The following DAB1 variants were observed in gnomAD, a reference collection of about 807,000 sequenced individuals.
The protein encoded by DAB1 is DAB adaptor protein 1, also known as disabled homolog 1.
In DAB1, 15 loss-of-function variants were observed where a neutral mutation model predicts 64.6. The ratio of observed to expected loss-of-function variants is 0.23; its 90% CI spans 0.16 to 0.36. DAB1 has a LOEUF of 0.36. Among genes scored for constraint, DAB1 ranks in the 10% least tolerant of loss-of-function variants. The pLI is 1.00. For missense variants in DAB1, 596 were observed against 706.7 expected, an observed-to-expected ratio of 0.84 and a Z score of 1.78; for synonymous variants, 235 against 251.9, an observed-to-expected ratio of 0.93 and a Z score of 0.64.
intron 4 of DAB1, among the ~76,000 whole-genome samples, chr1:58,168,420 G>A (rs977468471): frequency 6.6e-6 from 1 of 152,054 alleles, no homozygotes. Flanking sequence ...CTTGCCTCCT[G>A]GGTCCTAATG....
At chr1:57,171,209 T>A (rs1216450077) in intron 2 of DAB1, among the ~76,000 whole-genome samples, 2 of 152,076 alleles carry the variant, frequency 1.3e-5, no homozygotes, top group African/African-American at 2.4e-5. Context: ...CAAAGCTGTA[T>A]CAAATAGGGC....
At chr1:58,083,666 G>T (rs555316168) in intron 5 of DAB1, among the ~76,000 whole-genome samples, 39 of 152,316 alleles carry the variant, frequency 2.6e-4, no homozygotes, top group African/African-American at 8.4e-4. Context: ...CACTGCTCTA[G>T]ACATTGGTGA....
At chr1:57,125,209 A>T (rs1172500203) in intron 4 of DAB1, among the ~76,000 whole-genome samples, 1 of 152,152 alleles carries the variant, frequency 6.6e-6, no homozygotes, top group Non-Finnish European at 1.5e-5. Context: ...GTACACAGGC[A>T]TCAAAATTTG....
Position 57,210,084 on chromosome 1 carries a change from T to C in DAB1, c.68-64655A>G, listed in dbSNP as rs148165781. On this transcript the variant is annotated intron_variant, in intron 2 of 14. Coordinates refer to ENST00000371236, the MANE Select transcript of DAB1 (RefSeq NM_001365792.1). The stretch of plus-strand genomic sequence containing the variant: ...GATAATAATGCCTAACTTCTAGGAT[T>C]ATTATGACAATTAAATGGGAAGGCA... Among the ~76,000 whole-genome samples, 952 of 152,302 alleles carry C rather than the reference T, an allele frequency of 6.3e-3. 10 individuals are homozygous for C. The highest frequency in any genetic ancestry group is 0.022 in the African/African-American group (906 of 41,570).
At chr1:57,594,339 G>A (rs1645480841) in intron 7 of DAB1, among the ~76,000 whole-genome samples, 1 of 152,152 alleles carries the variant, frequency 6.6e-6, no homozygotes, top group African/African-American at 2.4e-5. Flanking sequence ...AAGAATCACG[G>A]ATTTGAGACG....
At chr1:57,350,700 T>C (rs1008988358) in intron 1 of DAB1, among the ~76,000 whole-genome samples, 1 of 152,070 alleles carries the variant, frequency 6.6e-6, no homozygotes, top group Non-Finnish European at 1.5e-5. Context: ...CAATTTCCAG[T>C]TGGATTCACA....
intron 3 of DAB1, among the ~76,000 whole-genome samples, chr1:58,370,465 T>G (rs528408842): frequency 6.6e-6 from 1 of 151,562 alleles, no homozygotes; most frequent in African/African-American, 2.4e-5. Context: ...TAAACCAATA[T>G]TGTGATCATG....
chr1:57,108,591 GT>G (rs1655379955), intron 4 of DAB1, among the ~76,000 whole-genome samples: 1 of 152,102 alleles, frequency 6.6e-6, no homozygotes, highest in Non-Finnish European at 1.5e-5. Context: ...GCAGGGCATC[GT>G]CTTGCTTAAG....
At chr1:58,129,200 C>T (rs1289631114) in intron 5 of DAB1, among the ~76,000 whole-genome samples, 2 of 151,492 alleles carry the variant, frequency 1.3e-5, no homozygotes, top group South Asian at 2.1e-4. Context: ...CTGTATGTGT[C>T]CAGGAATTTA....
At chr1:58,442,249 C>T (rs1328290618) in intron 3 of DAB1, among the ~76,000 whole-genome samples, 2 of 152,196 alleles carry the variant, frequency 1.3e-5, no homozygotes, top group Non-Finnish European at 2.9e-5. Context: ...GGAAACTCAA[C>T]TTGGTCAGTT....
intron 7 of DAB1, among the ~76,000 whole-genome samples, chr1:57,627,898 C>G (rs1645942271): frequency 6.6e-6 from 1 of 150,480 alleles, no homozygotes; most frequent in African/African-American, 2.4e-5. Context: ...TTCCAAGATC[C>G]TTGGAGTTAA....
intron 6 of DAB1, among the ~76,000 whole-genome samples, chr1:57,781,354 T>G (rs1240661801): frequency 6.6e-6 from 1 of 151,740 alleles, no homozygotes; most frequent in Non-Finnish European, 1.5e-5. Context: ...TTATGGTTGA[T>G]GAAATAAGAT....
At chr1:57,397,795 G>A (rs1682935109) in intron 1 of DAB1, among the ~76,000 whole-genome samples, 1 of 152,196 alleles carries the variant, frequency 6.6e-6, no homozygotes, top group Non-Finnish European at 1.5e-5. Flanking sequence ...TCATAAGAAC[G>A]GCCAGATATT....
intron 2 of DAB1, among the ~76,000 whole-genome samples, chr1:57,245,214 C>T (rs1042350896): frequency 1.3e-5 from 2 of 152,080 alleles, no homozygotes; most frequent in Non-Finnish European, 2.9e-5. Context: ...GGCATTTTGC[C>T]CCTGCCCTAG....
At chr1:57,315,702 C>T (rs1675136770) in intron 1 of DAB1, among the ~76,000 whole-genome samples, 1 of 152,144 alleles carries the variant, frequency 6.6e-6, no homozygotes, top group African/African-American at 2.4e-5. Flanking sequence ...CGGGGTCTCA[C>T]CATGTTAGCC....
At chr1:57,786,961 G>C (rs886525573) in intron 6 of DAB1, among the ~76,000 whole-genome samples, 3 of 151,776 alleles carry the variant, frequency 2.0e-5, no homozygotes, top group African/African-American at 7.3e-5. Context: ...TAACAAAAAC[G>C]ATGCAAATTT....
intron 4 of DAB1, among the ~76,000 whole-genome samples, chr1:58,194,436 G>A (rs1005309479): frequency 2.0e-5 from 3 of 152,102 alleles, no homozygotes; most frequent in Admixed American, 6.5e-5. Context: ...ACAAGTTAAG[G>A]CATAAAAATA....
chr1:57,142,708 G>A (rs1053160276), intron 3 of DAB1, among the ~76,000 whole-genome samples: 10 of 152,016 alleles, frequency 6.6e-5, no homozygotes, highest in South Asian at 2.1e-4. Context: ...AATCCTGAGC[G>A]AGAATGTTCA....
chr1:58,107,082 G>A (rs1651689436), intron 5 of DAB1, among the ~76,000 whole-genome samples: 1 of 149,402 alleles, frequency 6.7e-6, no homozygotes, highest in Admixed American at 6.6e-5. Flanking sequence ...TTAATAGCTA[G>A]TAAAAAAAAA....
Sources: allele counts gnomAD v4.1 joint callset (sites outside exome capture counted in the v4.1 genomes callset), GRCh38; gene constraint gnomAD v4.1.1; transcripts MANE v1.5; gene names NCBI Gene and HGNC (gene_info 2026-07-23, HGNC 2026-07-21).